PTPRH: variants seen among roughly 807,000 people sequenced by gnomAD.
The protein encoded by PTPRH is protein tyrosine phosphatase receptor type H, also known as receptor-type tyrosine-protein phosphatase H.
PTPRH carries 113 observed loss-of-function variants against 130.2 expected under a neutral mutation model. That is an observed-to-expected ratio of 0.87 (90% CI 0.75 to 1.01). The LOEUF is 1.01. Among genes scored for constraint, PTPRH ranks in the 50% least tolerant of loss-of-function variants. The probability of loss-of-function intolerance (pLI) is 0.00; values close to 1 mark genes in which losing one functional copy is unlikely to be tolerated. For synonymous variants in PTPRH, 556 were observed against 577.9 expected, an observed-to-expected ratio of 0.96 and a Z score of 0.54; for missense variants, 1,430 against 1,425.0, an observed-to-expected ratio of 1.00 and a Z score of -0.06.
In PTPRH at chr19:55,187,240, G is replaced by A. The variant is rs954931659; in HGVS notation, c.2566+273C>T. 1.3e-4 allele frequency among the ~76,000 whole-genome samples: 19 copies of A among 146,560 alleles called. 1 individual carries two copies. Among genetic ancestry groups the A allele is most frequent in the African/African-American group, 4.7e-4 (18 of 38,636 alleles). On this transcript the variant is annotated intron_variant, in intron 14 of 19. Coordinates refer to ENST00000376350, the MANE Select transcript of PTPRH (RefSeq NM_002842.5). ...GGCACCTGTAGTCCCAGCTACTCGG[G>A]AGGCTGAGGCAGGAGAATGGCGTGA...
At position 55,182,072 on chromosome 19, in the gene PTPRH, G is replaced by C. The variant is rs61734258; in HGVS notation, c.3142C>G (p.Pro1048Ala). The change falls in exon 19 of 20, where the codon CCC becomes GCC. Residue 1048 changes from proline to alanine, a missense_variant. Pro to Ala is a conservative substitution (Grantham distance 27). Transcript: ENST00000376350. ...RQLQSEGLLG[P>A]FSFVRKMRES... ...CTCATCTTCCTTACAAAGCTGAAGG[G>C]CCCAAGGAGACCCTCGGACTGCAGC... 15 of 1,614,130 alleles carry C rather than the reference G, an allele frequency of 9.3e-6. No homozygotes were observed. The African/African-American group carries it at 1.6e-4, about 17-fold the overall frequency.
chr19:55,202,438 T>C (rs2086893173), intron 5 of PTPRH, 116 bp from the exon 6 acceptor site: 3 of 1,448,348 alleles, frequency 2.1e-6, no homozygotes, highest in Middle Eastern at 1.9e-4. Flanking sequence ...TTCTGCACTG[T>C]CCAGTGTGGC....
intron 19 of PTPRH, 35 bp from the exon 20 acceptor site, chr19:55,181,938 C>A: frequency 6.2e-7 from 1 of 1,614,150 alleles, no homozygotes; most frequent in Middle Eastern, 1.7e-4. Context: ...AGGCGTCCCC[C>A]CAGGTCTGAG....
chr19:55,196,808 G>A lies in PTPRH; in HGVS notation c.1991-20C>T, dbSNP rs1035433057. The A allele has an allele frequency of 1.1e-5, 18 of 1,605,550 alleles. No homozygotes were observed. Among genetic ancestry groups the A allele is most frequent in the Non-Finnish European group, 1.5e-5 (18 of 1,173,140 alleles). ...CTGGGTCTGGGTGAAGGAAGCAAGA[G>A]GTCAGCAGTGCCATCCAAGGTGGCT... On this transcript the variant is annotated intron_variant, in intron 9 of 19. Coordinates refer to ENST00000376350, the MANE Select transcript of PTPRH (RefSeq NM_002842.5).
Position 55,207,008 on chromosome 19 carries a change from C to T in PTPRH, c.86-53G>A, listed in dbSNP as rs748963318. On this transcript the variant is annotated intron_variant, in intron 2 of 19. Coordinates refer to ENST00000376350, the MANE Select transcript of PTPRH (RefSeq NM_002842.5). ...AAAAGGGAACCAGGTCAGTACAATC[C>T]CTCCCAACCCCTGAGCTCACGCCCC... 3.9e-6 allele frequency: 6 copies of T among 1,552,212 alleles called. No homozygotes were observed. In the South Asian group the frequency reaches 7.4e-5, roughly 19 times the overall value.
intron 13 of PTPRH, among the ~76,000 whole-genome samples, 157 bp downstream of exon 13, chr19:55,187,921 A>C (rs148701449): frequency 0.011 from 1,727 of 151,296 alleles, 130 homozygotes; most frequent in Admixed American, 0.11. Flanking sequence ...CAGTGAGTGG[A>C]AAGATAACAT....
chr19:55,202,905 G>T (rs553059169), intron 5 of PTPRH, among the ~76,000 whole-genome samples: 50 of 152,136 alleles, frequency 3.3e-4, no homozygotes, highest in African/African-American at 1.2e-3. Context: ...CAGGTATGGT[G>T]GCATATGCCT....
chr19:55,195,475 C>G (rs867429622), intron 10 of PTPRH, among the ~76,000 whole-genome samples: 1 of 152,228 alleles, frequency 6.6e-6, no homozygotes, highest in African/African-American at 2.4e-5. Context: ...GCACTCCAGC[C>G]TGGGTGACAG....
At chr19:55,191,016 T>C (rs2086520058) in intron 12 of PTPRH, among the ~76,000 whole-genome samples, 1 of 152,064 alleles carries the variant, frequency 6.6e-6, no homozygotes, top group Non-Finnish European at 1.5e-5. Context: ...TAATTTTTTG[T>C]ATTTTTTAGT....
rs146527266 is a variant in PTPRH at position 55,202,248 on chromosome 19, C to T, written c.961G>A (p.Asp321Asn). 1.5e-4 allele frequency: 240 copies of T among 1,614,060 alleles called. No individual in the cohort carries two copies. The highest frequency in any genetic ancestry group is 1.9e-4 in the Non-Finnish European group (223 of 1,180,034). ...SSIALTWEVP[D>N]GPDPQNSTYG... ...GTGGAGTTCTGTGGGTCTGGGCCATCGGGGACCTCCCAGGTCAGGGCGATG... is the reference window on the plus strand; with the variant it reads ...GTGGAGTTCTGTGGGTCTGGGCCATTGGGGACCTCCCAGGTCAGGGCGATG... The change falls in exon 6 of 20, where the codon GAT becomes AAT. Residue 321 changes from aspartate to asparagine, a missense_variant. Coordinates refer to ENST00000376350, the MANE Select transcript of PTPRH (RefSeq NM_002842.5).
At chr19:55,207,338 G>C (rs1600086685) in intron 1 of PTPRH, 139 bp from the exon 2 acceptor site, 2 of 902,964 alleles carry the variant, frequency 2.2e-6, no homozygotes, top group African/African-American at 3.4e-5. Context: ...GTTAGGCTGG[G>C]CTGTCACGAC....
Position 55,209,430 on chromosome 19 carries a change from C to A in PTPRH, c.4G>T (p.Ala2Ser), listed in dbSNP as rs563495096. 7.7e-6 allele frequency: 12 copies of A among 1,555,948 alleles called. No homozygotes were observed. In the East Asian group the frequency reaches 2.9e-4, roughly 37 times the overall value. The change falls in exon 1 of 20, where the codon GCT (alanine) becomes TCT (serine). Residue 2 changes from alanine to serine, a missense_variant. Ala to Ser is a moderately conservative substitution (Grantham distance 99, BLOSUM62 1). Transcript: ENST00000376350. This position sits in a 1 kb window ranked among gnomAD's most constrained non-coding sequence, Gnocchi z 4.1. Reference sequence around the variant, plus strand: ...ACCCCGAGGCCCCCGCCAGCCCCAGCCATGCCTCCAGACACTGCCGGGGAC... The same window carrying A: ...ACCCCGAGGCCCCCGCCAGCCCCAGACATGCCTCCAGACACTGCCGGGGAC... Reference protein sequence around the residue: MAGAGGGLGVWG... With the variant: MSGAGGGLGVWG...
intron 12 of PTPRH, among the ~76,000 whole-genome samples, chr19:55,190,928 A>G (rs967327200): frequency 1.3e-5 from 2 of 151,794 alleles, no homozygotes; most frequent in Non-Finnish European, 2.9e-5. Context: ...TGCAAGCTCT[A>G]CCTCCCAGGT....
Position 55,206,328 on chromosome 19 carries a change from C to CT in PTPRH, c.352+360dup, listed in dbSNP as rs571836867. Among the ~76,000 whole-genome samples, 883 of 134,122 alleles carry CT rather than the reference C, an allele frequency of 6.6e-3. 3 individuals carry two copies. Among genetic ancestry groups the CT allele is most frequent in the East Asian group, 8.5e-3 (40 of 4,730 alleles). The allele number at this position is 134,122 out of a possible 152,430, so 88.0% of individuals were successfully genotyped here. On this transcript the variant is annotated intron_variant, in intron 3 of 19. Transcript: ENST00000376350. ...CTTTTGTTTTCTTTTGTTTTCTTTT[C>CT]TTTTTTTTTTTTTGAGACAGGGTTT...
At chr19:55,205,162 A>C (rs2087004276) in intron 4 of PTPRH, among the ~76,000 whole-genome samples, 164 bp downstream of exon 4, 1 of 152,202 alleles carries the variant, frequency 6.6e-6, no homozygotes, top group Non-Finnish European at 1.5e-5. Flanking sequence ...TACCATGGAC[A>C]TTCATTCCTT....
At chr19:55,183,733 A>T (rs2147363471) in intron 18 of PTPRH, among the ~76,000 whole-genome samples, 1 of 152,202 alleles carries the variant, frequency 6.6e-6, no homozygotes, top group Non-Finnish European at 1.5e-5. Context: ...CCACAAAAAA[A>T]AATAGCTATT....
chr19:55,202,464 G>C, intron 5 of PTPRH, 142 bp from the exon 6 acceptor site: 2 of 1,310,208 alleles, frequency 1.5e-6, no homozygotes. Flanking sequence ...CGAGTTCCAC[G>C]TGAGTGTTGA....
At chr19:55,203,493 G>A (rs1413436387) in intron 5 of PTPRH, among the ~76,000 whole-genome samples, 3 of 150,686 alleles carry the variant, frequency 2.0e-5, no homozygotes, top group Non-Finnish European at 4.4e-5. Flanking sequence ...AGAGCTCACT[G>A]CAACCTCTGC....
chr19:55,205,107 T>G (rs548908616), intron 4 of PTPRH, among the ~76,000 whole-genome samples: 1 of 152,120 alleles, frequency 6.6e-6, no homozygotes, highest in Non-Finnish European at 1.5e-5. Flanking sequence ...AGGTACATTC[T>G]AGAGAGTCCT....
Sources: gnomAD v4.1 joint callset for allele counts (sites outside exome capture counted in the v4.1 genomes callset) on GRCh38, gnomAD v4.1.1 for gene constraint, Gnocchi (gnomAD v3.1) non-coding constraint, MANE v1.5 for transcripts, NCBI Gene and HGNC (gene_info 2026-07-23, HGNC 2026-07-21) for gene names.